Variants in MAP3K13 observed in about 807,000 individuals in gnomAD.
The protein encoded by MAP3K13 is mitogen-activated protein kinase kinase kinase 13, also known as leucine zipper-bearing kinase.
MAP3K13 carries 52 observed loss-of-function variants against 104.0 expected under a neutral mutation model. That is an observed-to-expected ratio of 0.50 (90% confidence interval 0.40 to 0.63). MAP3K13 has a LOEUF of 0.63. MAP3K13 is among the 20% of genes least tolerant of loss of function. The probability of loss-of-function intolerance (pLI) is 0.00; values close to 1 mark genes in which losing one functional copy is unlikely to be tolerated. For synonymous variants in MAP3K13, 394 were observed against 442.2 expected, an observed-to-expected ratio of 0.89 and a Z score of 1.37; for missense variants, 914 against 1,218.5, an observed-to-expected ratio of 0.75 and a Z score of 3.72.
chr3:185,295,414 A>T (rs1282922188), intron 2 of MAP3K13, among the ~76,000 whole-genome samples: 6 of 152,194 alleles, frequency 3.9e-5, no homozygotes, highest in African/African-American at 1.4e-4. Flanking sequence ...CATGTGGGCC[A>T]GGCTGGTCTT....
At chr3:185,361,633 G>A (rs1723632642), upstream of MAP3K13, among the ~76,000 whole-genome samples, 1 of 152,142 alleles carries the variant, frequency 6.6e-6, no homozygotes, top group Non-Finnish European at 1.5e-5. Flanking sequence ...CTCGATCCCT[G>A]ACCTCGTGAT....
chr3:185,365,878 TCCCC>T (rs1723855837), intron 1 of MAP3K13, among the ~76,000 whole-genome samples: 1 of 6,820 alleles, frequency 1.5e-4, no homozygotes, highest in African/African-American at 6.5e-4. Flanking sequence ...TCCCCTCCCC[TCCCC>T]TCCCCTCCCC....
At chr3:185,454,987 AGATATATAT>A (rs1716340620) in intron 7 of MAP3K13, among the ~76,000 whole-genome samples, 1 of 50,938 alleles carries the variant, frequency 2.0e-5, no homozygotes, top group African/African-American at 4.8e-5. Context: ...GATATATATG[AGATATATAT>A]GATATATATG....
At chr3:185,401,394 G>C (rs912531898) in intron 1 of MAP3K13, among the ~76,000 whole-genome samples, 1 of 147,310 alleles carries the variant, frequency 6.8e-6, no homozygotes, top group African/African-American at 2.5e-5. Context: ...GTATCCTGCT[G>C]CTGGGACAGG....
intron 1 of MAP3K13, among the ~76,000 whole-genome samples, chr3:185,415,980 A>T (rs1040034248): frequency 1.3e-5 from 2 of 152,232 alleles, no homozygotes; most frequent in Admixed American, 1.3e-4. Flanking sequence ...CAATTTAATT[A>T]AAACCTAGAA....
chr3:185,321,115 T>C (rs1721846640), intron 2 of MAP3K13, among the ~76,000 whole-genome samples: 1 of 150,944 alleles, frequency 6.6e-6, no homozygotes, highest in Non-Finnish European at 1.5e-5. Context: ...CACATATGCG[T>C]GCACACACAT....
intron 1 of MAP3K13, among the ~76,000 whole-genome samples, chr3:185,390,121 A>AC (rs918958145): frequency 2.6e-5 from 4 of 152,208 alleles, no homozygotes; most frequent in East Asian, 1.9e-4. Context: ...TAATTCACAG[A>AC]CCCCCTGAAA....
In MAP3K13 at chr3:185,297,172, C is replaced by T. The variant is rs943144536; in HGVS notation, c.-86+11529C>T. 9.2e-5 allele frequency among the ~76,000 whole-genome samples: 14 copies of T among 152,260 alleles called. 1 individual carries two copies. Among genetic ancestry groups the T allele is most frequent in the African/African-American group, 3.1e-4 (13 of 41,556 alleles). Reference sequence around the variant, plus strand: ...ACTTGCTTTCTGTATTAGGAAATTTCCTATTGGCATAAAATGTACACAGTC... The same window carrying T: ...ACTTGCTTTCTGTATTAGGAAATTTTCTATTGGCATAAAATGTACACAGTC... On this transcript the variant is annotated intron_variant, in intron 2 of 14. Coordinates refer to the MAP3K13 transcript ENST00000424227.
chr3:185,330,253 A>G (rs1722214120), intron 2 of MAP3K13, among the ~76,000 whole-genome samples: 1 of 151,752 alleles, frequency 6.6e-6, no homozygotes, highest in Non-Finnish European at 1.5e-5. Context: ...GAGATTATTT[A>G]TATAGACGTT....
intron 2 of MAP3K13, among the ~76,000 whole-genome samples, chr3:185,434,739 T>C (rs1277397662): frequency 6.6e-6 from 1 of 152,212 alleles, no homozygotes; most frequent in African/African-American, 2.4e-5. Flanking sequence ...TTTTTCTGAC[T>C]TTTCTGATCT....
Position 185,487,233 on chromosome 3 carries a change from T to C in MAP3K13, c.*4777T>C, listed in dbSNP as rs1204857424. 6.6e-6 allele frequency: 1 copy of C among 152,328 alleles called. No individual in the cohort carries two copies. The highest frequency in any genetic ancestry group is 1.5e-5 in the Non-Finnish European group (1 of 68,246). 9.4% of individuals were successfully genotyped at this position (152,328 alleles called of 1,614,324 possible). On this transcript the variant is annotated 3_prime_UTR_variant, in exon 14 of 14. Coordinates refer to ENST00000265026, the MANE Select transcript of MAP3K13 (RefSeq NM_004721.5). ...AGGTTGGAGTACAGTGGCATGATTA[T>C]GGCTCACTGCAGCCTCAACCTCCTG...
In MAP3K13 at chr3:185,413,416, G is replaced by C. The variant is rs182128317; in HGVS notation, c.-85-15081G>C. On this transcript the variant is annotated intron_variant, in intron 1 of 13. Transcript: ENST00000265026. The stretch of plus-strand genomic sequence containing the variant: ...GCTAGTGAATACCTAAAATGGACTA[G>C]TACAGCTGAGGAATGAAATCTTTAT... 2.1e-3 allele frequency among the ~76,000 whole-genome samples: 322 copies of C among 152,340 alleles called. 1 individual carries two copies. Among genetic ancestry groups the C allele is most frequent in the African/African-American group, 7.0e-3 (289 of 41,566 alleles).
intron 1 of MAP3K13, among the ~76,000 whole-genome samples, chr3:185,380,866 T>G (rs1724682963): frequency 6.6e-6 from 1 of 151,742 alleles, no homozygotes; most frequent in Non-Finnish European, 1.5e-5. Context: ...CAAGAACTAC[T>G]ACGAGAAGCA....
intron 2 of MAP3K13, among the ~76,000 whole-genome samples, chr3:185,346,114 AACTTAT>A (rs1332300283): frequency 1.3e-5 from 2 of 152,176 alleles, no homozygotes; most frequent in African/African-American, 4.8e-5. Context: ...AGATCTCCTG[AACTTAT>A]TCCTTCTAAC....
At chr3:185,434,502 C>T (rs936539688) in intron 2 of MAP3K13, among the ~76,000 whole-genome samples, 1 of 152,084 alleles carries the variant, frequency 6.6e-6, no homozygotes, top group Non-Finnish European at 1.5e-5. Flanking sequence ...TCCTCTTTAA[C>T]CAAGGAACTG....
chr3:185,330,574 G>T (rs953158253), intron 2 of MAP3K13, among the ~76,000 whole-genome samples: 1 of 152,090 alleles, frequency 6.6e-6, no homozygotes, highest in South Asian at 2.1e-4. Context: ...GGAGTGGAGG[G>T]CTGGGGGGTG....
intron 2 of MAP3K13, among the ~76,000 whole-genome samples, chr3:185,434,593 T>C (rs1714920480): frequency 6.6e-6 from 1 of 152,128 alleles, no homozygotes; most frequent in African/African-American, 2.4e-5. Flanking sequence ...AGGAACTACA[T>C]GAAGGATACA....
chr3:185,415,343 A>C (rs1713687358), intron 1 of MAP3K13, among the ~76,000 whole-genome samples: 1 of 151,332 alleles, frequency 6.6e-6, no homozygotes, highest in Non-Finnish European at 1.5e-5. Context: ...TTTTTAATAG[A>C]GATGGGGTTT....
intron 13 of MAP3K13, among the ~76,000 whole-genome samples, chr3:185,481,470 A>C (rs572885656): frequency 1.3e-5 from 2 of 150,656 alleles, no homozygotes; most frequent in Admixed American, 1.3e-4. Context: ...AGCCTGAGCA[A>C]CAGTGAGACC....
Sources: gnomAD v4.1 joint callset for allele counts (sites outside exome capture counted in the v4.1 genomes callset) on GRCh38, gnomAD v4.1.1 for gene constraint, MANE v1.5 for transcripts, NCBI Gene and HGNC (gene_info 2026-07-23, HGNC 2026-07-21) for gene names.